The following DLG1 variants were observed in gnomAD, a reference collection of about 807,000 sequenced individuals.
DLG1 encodes disks large homolog 1.
In DLG1, 42 loss-of-function variants were observed where a neutral mutation model predicts 123.4. The observed-to-expected ratio is 0.34, with a 90% CI of 0.27 to 0.44. The LOEUF is 0.44. DLG1 is among the 20% of genes least tolerant of loss of function. DLG1 has a pLI of 1.00. For synonymous variants in DLG1, 317 were observed against 356.2 expected (o/e 0.89, Z 1.24); for missense variants, 942 against 1,082.6 (o/e 0.87, Z 1.82).
chr3:197,142,535 TA>T (rs1788549581), intron 7 of DLG1, among the ~76,000 whole-genome samples, 182 bp downstream of exon 7: 1 of 152,124 alleles, frequency 6.6e-6, no homozygotes, highest in Non-Finnish European at 1.5e-5. Context: ...AAAAGTTTAT[TA>T]AAAAAATAAG....
intron 4 of DLG1, among the ~76,000 whole-genome samples, chr3:197,272,495 C>T (rs900513700): frequency 1.3e-5 from 2 of 152,126 alleles, no homozygotes; most frequent in African/African-American, 4.8e-5. Context: ...TTTCATTGTG[C>T]CATTTTTCAT....
At chr3:197,127,794 CATT>C (rs1319996721) in intron 11 of DLG1, among the ~76,000 whole-genome samples, 1 of 151,896 alleles carries the variant, frequency 6.6e-6, no homozygotes, top group African/African-American at 2.4e-5. Flanking sequence ...TAAAGCCTGT[CATT>C]ATAAATTTTT....
At chr3:197,204,197 T>C (rs1221710169) in intron 4 of DLG1, among the ~76,000 whole-genome samples, 1 of 152,216 alleles carries the variant, frequency 6.6e-6, no homozygotes, top group Non-Finnish European at 1.5e-5. Flanking sequence ...TTTTTCTACT[T>C]GTACATTTCA....
intron 13 of DLG1, among the ~76,000 whole-genome samples, chr3:197,107,565 C>T (rs1238984400): frequency 6.6e-6 from 1 of 151,112 alleles, no homozygotes; most frequent in African/African-American, 2.4e-5. Flanking sequence ...AACAAAAAAA[C>T]CAAACCCAAA....
At chr3:197,180,780 AAAACC>A (rs1809834857) in intron 5 of DLG1, among the ~76,000 whole-genome samples, 1 of 152,170 alleles carries the variant, frequency 6.6e-6, no homozygotes, top group Non-Finnish European at 1.5e-5. Flanking sequence ...GCTGCTGTGA[AAAACC>A]AAAGACACTT....
chr3:197,183,691 A>G, intron 5 of DLG1: 1 of 1,550,536 alleles, frequency 6.4e-7, no homozygotes, highest in Non-Finnish European at 8.7e-7. Context: ...TCATCTGACG[A>G]GCCCTTTTTT....
At chr3:197,273,849 C>A (rs1458414810) in intron 4 of DLG1, among the ~76,000 whole-genome samples, 47 of 48,686 alleles carry the variant, frequency 9.7e-4, no homozygotes, top group African/African-American at 1.5e-3. Context: ...TAATAGCTAC[C>A]AAAAAAAAAA....
chr3:197,087,219 TTTGG>T (rs1487838049), intron 15 of DLG1, among the ~76,000 whole-genome samples: 3 of 152,212 alleles, frequency 2.0e-5, no homozygotes, highest in African/African-American at 7.2e-5. Flanking sequence ...CTCATTCTTT[TTTGG>T]TTGGTTTGGT....
At chr3:197,145,314 C>T (rs1475816163) in intron 6 of DLG1, among the ~76,000 whole-genome samples, 5 of 152,114 alleles carry the variant, frequency 3.3e-5, no homozygotes, top group Non-Finnish European at 7.4e-5. Flanking sequence ...GCAGTTTTGA[C>T]ATTATTGATG....
intron 18 of DLG1, 148 bp downstream of exon 18, chr3:197,076,438 A>G (rs1747328043): frequency 2.1e-6 from 1 of 483,204 alleles, no homozygotes; most frequent in South Asian, 4.2e-5. Context: ...ATCGGCATAC[A>G]AATTAATTTA....
intron 13 of DLG1, 36 bp downstream of exon 13, chr3:197,115,891 A>C: frequency 6.3e-7 from 1 of 1,599,168 alleles, no homozygotes; most frequent in Non-Finnish European, 8.5e-7. Flanking sequence ...GTCCAGTGAA[A>C]ATAACAAAAA....
At chr3:197,214,649 C>G (rs1733112090) in intron 4 of DLG1, among the ~76,000 whole-genome samples, 1 of 151,732 alleles carries the variant, frequency 6.6e-6, no homozygotes, top group African/African-American at 2.4e-5. Flanking sequence ...TTTTGTGTCA[C>G]CAACTTAAAA....
At chr3:197,049,709 G>A (rs371071777) in intron 24 of DLG1, among the ~76,000 whole-genome samples, 1 of 152,170 alleles carries the variant, frequency 6.6e-6, no homozygotes, top group East Asian at 1.9e-4. Context: ...TCATGCCATT[G>A]CACTCCAGCC....
At chr3:197,280,656 T>C (rs1328466169) in intron 4 of DLG1, among the ~76,000 whole-genome samples, 1 of 152,178 alleles carries the variant, frequency 6.6e-6, no homozygotes, top group Non-Finnish European at 1.5e-5. Context: ...CAATCGCCTA[T>C]AAAAATAAGT....
At position 197,244,932 on chromosome 3, in the gene DLG1, T is replaced by C. The variant is rs182086811; in HGVS notation, c.318+37747A>G. Among the ~76,000 whole-genome samples, 8 of 152,306 alleles carry C rather than the reference T, an allele frequency of 5.3e-5. No homozygotes were observed. In the East Asian group the frequency reaches 1.3e-3, roughly 26 times the overall value. ...ACATAGCTCTTGAGAAACTGACTTT[T>C]AGTTTCAAACGTAGGAATGTCAACA... On this transcript the variant is annotated intron_variant, in intron 4 of 24. Transcript: ENST00000667157.
At chr3:197,113,894 T>G (rs1771536998) in intron 13 of DLG1, among the ~76,000 whole-genome samples, 1 of 152,148 alleles carries the variant, frequency 6.6e-6, no homozygotes, top group Non-Finnish European at 1.5e-5. Flanking sequence ...CAGGCAGGAA[T>G]ATCGTTTGAG....
At chr3:197,110,964 G>A (rs1769656757) in intron 13 of DLG1, among the ~76,000 whole-genome samples, 1 of 152,050 alleles carries the variant, frequency 6.6e-6, no homozygotes, top group African/African-American at 2.4e-5. Flanking sequence ...GCACAGCCCT[G>A]AACATGTGTG....
intron 1 of DLG1, 132 bp from the exon 2 acceptor site, chr3:197,297,367 A>G: frequency 6.8e-7 from 1 of 1,466,168 alleles, no homozygotes; most frequent in Non-Finnish European, 9.0e-7. Context: ...TCAAAGAAAG[A>G]GTCTCAAAAC....
At chr3:197,250,210 C>A (rs1175925339) in intron 4 of DLG1, among the ~76,000 whole-genome samples, 2 of 152,144 alleles carry the variant, frequency 1.3e-5, no homozygotes, top group Non-Finnish European at 2.9e-5. Context: ...AGTAAAGCTG[C>A]AGGATCCAAA....
Sources: gnomAD v4.1 joint callset for allele counts (sites outside exome capture counted in the v4.1 genomes callset) on GRCh38, gnomAD v4.1.1 for gene constraint, MANE v1.5 for transcripts, NCBI Gene and HGNC (gene_info 2026-07-23, HGNC 2026-07-21) for gene names.